The following UBFD1 variants were observed in gnomAD, a reference collection of about 807,000 sequenced individuals.
UBFD1 encodes the protein ubiquitin domain-containing protein UBFD1.
Under a neutral mutation model 35.1 loss-of-function variants are expected in UBFD1, and 12 were observed. The observed-to-expected ratio is 0.34, with a 90% confidence interval of 0.22 to 0.55. UBFD1 has a LOEUF of 0.55. Ranked by LOEUF, UBFD1 falls within the 20% of genes least tolerant of loss-of-function variation. The probability of loss-of-function intolerance (pLI) is 0.89; values close to 1 mark genes in which losing one functional copy is unlikely to be tolerated. For missense variants in UBFD1, 337 were observed against 410.8 expected (o/e 0.82, Z 1.55); for synonymous variants, 178 against 167.6 (o/e 1.06, Z -0.48).
intron 5 of UBFD1, chr16:23,564,975 A>G (rs1318440059): frequency 6.6e-6 from 1 of 152,214 alleles, no homozygotes; most frequent in African/African-American, 2.4e-5. Flanking sequence ...GTTGAGGAGC[A>G]TGGCCATGGA....
rs1255176889 is a variant in UBFD1 at position 23,562,633 on chromosome 16, G to A, written c.639G>A (p.Leu213=). ...MPSVKGAQER[L]PTVPLSGMYN... is the part of the protein sequence containing the mutation. Reference sequence around the variant, plus strand: ...TTCTCTCGTGCCTTCAGGAGCGCCTGCCAACGGTACCGCTGTCCGGCATGT... The same window carrying A: ...TTCTCTCGTGCCTTCAGGAGCGCCTACCAACGGTACCGCTGTCCGGCATGT... The change falls in exon 5 of 7, where the codon CTG becomes CTA. Residue 213 remains leucine, a synonymous_variant. Coordinates refer to ENST00000395878, the MANE Select transcript of UBFD1 (RefSeq NM_019116.3). 4 of 1,613,968 alleles carry A rather than the reference G, an allele frequency of 2.5e-6. No homozygotes were observed. In the Admixed American group the frequency reaches 6.7e-5, roughly 27 times the overall value.
chr16:23,562,478 G>A, intron 4 of UBFD1, 147 bp from the exon 5 acceptor site: 1 of 813,978 alleles, frequency 1.2e-6, no homozygotes, highest in Non-Finnish European at 1.9e-6. Context: ...ATGTTGCCCA[G>A]GCTAGTCTCC....
rs1966104804 is a variant in UBFD1, at chr16:23,572,888, CT to C, written c.*2299del. 1 of 152,228 alleles carries C rather than the reference CT, an allele frequency of 6.6e-6. No homozygotes were observed. Among genetic ancestry groups the C allele is most frequent in the Non-Finnish European group, 1.5e-5 (1 of 68,042 alleles). 9.4% of individuals were successfully genotyped at this position (152,228 alleles called of 1,614,324 possible). A position where few individuals can be genotyped will look rare whatever the true frequency, so the allele number is the denominator to read the frequency against. Reference sequence around the variant, plus strand: ...GCTTCAACAATCTTGAGCTCTGTGGCTCCTCACCCTGTCTGCATGGAAGACC... The same window carrying C: ...GCTTCAACAATCTTGAGCTCTGTGGCCCTCACCCTGTCTGCATGGAAGACC... On this transcript the variant is annotated 3_prime_UTR_variant, in exon 7 of 7. Coordinates refer to ENST00000395878, the MANE Select transcript of UBFD1 (RefSeq NM_019116.3).
In UBFD1 at chr16:23,562,351, T is replaced by C. The variant is rs75765954; in HGVS notation, c.630+80T>C. ...CTTGAGGTTCCTCCAATCCTGTCCCTTCTCTTTTTTCCCTGTTTTTTTTTT... is the reference window on the plus strand; with the variant it reads ...CTTGAGGTTCCTCCAATCCTGTCCCCTCTCTTTTTTCCCTGTTTTTTTTTT... On this transcript the variant is annotated intron_variant, in intron 4 of 6. Coordinates refer to ENST00000395878, the MANE Select transcript of UBFD1 (RefSeq NM_019116.3). 1,892 of 1,337,762 alleles carry C rather than the reference T, an allele frequency of 1.4e-3. 28 individuals carry two copies. The African/African-American group carries it at 0.026, about 18-fold the overall frequency. 82.9% of individuals were successfully genotyped at this position (1,337,762 alleles called of 1,614,324 possible).
intron 6 of UBFD1, 41 bp downstream of exon 6, chr16:23,567,110 C>A: frequency 1.3e-6 from 2 of 1,569,994 alleles, no homozygotes; most frequent in South Asian, 1.1e-5. Context: ...TCACTAGACT[C>A]CCACTTCACC....
chr16:23,563,012 G>A (rs1264599128), intron 5 of UBFD1, among the ~76,000 whole-genome samples: 3 of 152,042 alleles, frequency 2.0e-5, no homozygotes, highest in Non-Finnish European at 1.5e-5. Flanking sequence ...GCCAAATCTG[G>A]TCCACAGAAA....
At chr16:23,559,952 G>C (rs185397567) in intron 3 of UBFD1, 1 of 1,347,652 alleles carries the variant, frequency 7.4e-7, no homozygotes, top group African/African-American at 1.5e-5. Context: ...GGAATCAGAC[G>C]TGGGTTTCTC....
intron 5 of UBFD1, 188 bp from the exon 6 acceptor site, chr16:23,566,799 A>G (rs544095728): frequency 7.1e-5 from 39 of 547,574 alleles, no homozygotes; most frequent in East Asian, 5.0e-4. Context: ...CGGAGTTCCC[A>G]GCTCCCACAC....
At chr16:23,563,332 T>TC (rs1965965599) in intron 5 of UBFD1, among the ~76,000 whole-genome samples, 2 of 152,054 alleles carry the variant, frequency 1.3e-5, no homozygotes, top group African/African-American at 4.8e-5. Context: ...TGCCTCTCCC[T>TC]CCCCGCCTGG....
intron 5 of UBFD1, chr16:23,564,128 T>C (rs1965977770): frequency 6.6e-6 from 1 of 152,094 alleles, no homozygotes; most frequent in East Asian, 1.9e-4. Flanking sequence ...TAAAGAGAAG[T>C]ATAGGGGGTC....
rs190257803 is a variant in UBFD1, at chr16:23,559,640, C to G, written c.528C>G (p.Ala176=). ...ATGCTGCGCAGCAGGATGCAAAGGC[C>G]GAAGAGAACAAGAAGGAGCCTCTCT... ...PKDAAQQDAK[A]EENKKEPLCR... is the part of the protein sequence containing the mutation. Residue 176 remains alanine, a synonymous_variant, in exon 3 of 7, where the codon GCC becomes GCG. Coordinates refer to ENST00000395878, the MANE Select transcript of UBFD1 (RefSeq NM_019116.3). 33 of 1,614,160 alleles carry G rather than the reference C, an allele frequency of 2.0e-5. No individual in the cohort carries two copies. The highest frequency in any genetic ancestry group is 2.0e-4 in the Admixed American group (12 of 60,020).
chr16:23,562,552 G>A lies in UBFD1; in HGVS notation c.631-73G>A, dbSNP rs1965952067. 4 of 1,413,132 alleles carry A rather than the reference G, an allele frequency of 2.8e-6. No individual in the cohort carries two copies. The East Asian group carries it at 7.1e-5, about 25-fold the overall frequency. The allele number at this position is 1,413,132 out of a possible 1,614,324, so 87.5% of individuals were successfully genotyped here. ...CAGTGTGCTGGGATTACAGGCGTGA[G>A]CCACCGCGCTTGGCCCCCTTCTCTT... is the stretch of plus-strand genomic sequence containing the variant. On this transcript the variant is annotated intron_variant, in intron 4 of 6. Coordinates refer to ENST00000395878, the MANE Select transcript of UBFD1 (RefSeq NM_019116.3).
chr16:23,573,544 C>G lies in UBFD1; in HGVS notation c.*2954C>G, dbSNP rs1340487486. The G allele has an allele frequency of 6.6e-6, 1 of 152,584 alleles. No homozygotes were observed. The highest frequency in any genetic ancestry group is 1.5e-5 in the Non-Finnish European group (1 of 68,046). The allele number at this position is 152,584 out of a possible 1,614,324, so 9.5% of individuals were successfully genotyped here. On this transcript the variant is annotated 3_prime_UTR_variant, in exon 7 of 7. Coordinates refer to ENST00000395878, the MANE Select transcript of UBFD1 (RefSeq NM_019116.3). ...TTAAGTGTTTGAATCCATGGTGGGC[C>G]TTTTGCAAGTAGCGTTAGCTCTTTT...
intron 4 of UBFD1, 54 bp from the exon 5 acceptor site, chr16:23,562,571 T>G: frequency 6.4e-7 from 1 of 1,560,744 alleles, no homozygotes; most frequent in Non-Finnish European, 8.8e-7. Flanking sequence ...CTTGGCCCCC[T>G]TCTCTTTTTT....
intron 3 of UBFD1, chr16:23,559,992 AG>A: frequency 2.1e-6 from 2 of 944,554 alleles, no homozygotes; most frequent in Non-Finnish European, 3.0e-6. Flanking sequence ...GAAAACTACC[AG>A]TACTAGAAGT....
At chr16:23,559,966 CTTAT>C in intron 3 of UBFD1, 1 of 1,207,860 alleles carries the variant, frequency 8.3e-7, no homozygotes, top group African/African-American at 1.5e-5. Context: ...GTTTCTCTCT[CTTAT>C]TTAGTGCCAG....
Position 23,558,097 on chromosome 16 carries a change from C to A in UBFD1, c.173C>A (p.Pro58Gln). The A allele has an allele frequency of 6.5e-7, 1 of 1,530,752 alleles. No individual in the cohort carries two copies. The highest frequency in any genetic ancestry group is 8.7e-7 in the Non-Finnish European group (1 of 1,144,656). 94.8% of individuals were successfully genotyped at this position (1,530,752 alleles called of 1,614,324 possible). A position where few individuals can be genotyped will look rare whatever the true frequency, so the allele number is the denominator to read the frequency against. Residue 58 changes from proline (P) to glutamine (Q), a missense_variant, in exon 2 of 7, where the codon CCG (proline) becomes CAG (glutamine). Around this residue, in one of 4 missense-constraint regions of UBFD1, gnomAD observed 198 missense variants for 168.4 expected, o/e 1.18. Coordinates refer to ENST00000395878, the MANE Select transcript of UBFD1 (RefSeq NM_019116.3). ...GCACGAGGCAGCCTGCAGCCGGCCC[C>A]GGCCCAGCCCCCTGGGGACCCCGCA... ...GAARGSLQPA[P>Q]AQPPGDPAAQ...
intron 6 of UBFD1, among the ~76,000 whole-genome samples, chr16:23,568,111 T>A (rs924864943): frequency 6.6e-6 from 1 of 151,236 alleles, no homozygotes; most frequent in Non-Finnish European, 1.5e-5. Context: ...CTTCTGGAAG[T>A]GATGATGCCC....
At chr16:23,563,704 C>T (rs1331934801) in intron 5 of UBFD1, among the ~76,000 whole-genome samples, 1 of 152,196 alleles carries the variant, frequency 6.6e-6, no homozygotes, top group East Asian at 1.9e-4. Flanking sequence ...GTGTTCTCAA[C>T]ACTGGGCCTT....
Sources: allele counts gnomAD v4.1 joint callset (sites outside exome capture counted in the v4.1 genomes callset), GRCh38; gene constraint gnomAD v4.1.1; regional missense constraint gnomAD v4.1.1; transcripts MANE v1.5; gene names NCBI Gene and HGNC (gene_info 2026-07-23, HGNC 2026-07-21).